The following KHDRBS2 variants were observed in gnomAD, a reference collection of about 807,000 sequenced individuals.
KHDRBS2 encodes KH RNA binding domain containing, signal transduction associated 2.
Under a neutral mutation model 44.3 loss-of-function variants are expected in KHDRBS2, and 26 were observed. The ratio of observed to expected loss-of-function variants is 0.59; its 90% confidence interval spans 0.43 to 0.81. KHDRBS2 has a LOEUF of 0.81. KHDRBS2 is among the 40% of genes least tolerant of loss of function. The probability of loss-of-function intolerance (pLI) is 0.00; values close to 1 mark genes in which losing one functional copy is unlikely to be tolerated. For missense variants in KHDRBS2, 476 were observed against 433.1 expected (o/e 1.10, Z -0.88); for synonymous variants, 194 against 151.1 (o/e 1.28, Z -2.08).
At chr6:61,638,286 A>C in the KHDRBS2 span, among the ~76,000 whole-genome samples, 1 of 152,072 alleles carries the variant, frequency 6.6e-6, no homozygotes, top group Non-Finnish European at 1.5e-5. Flanking sequence ...CCAAAACAGC[A>C]TGGTACTGGT....
chr6:62,071,402 T>A (rs563294301), intron 2 of KHDRBS2, among the ~76,000 whole-genome samples: 1 of 152,332 alleles, frequency 6.6e-6, no homozygotes, highest in East Asian at 1.9e-4. Flanking sequence ...GTCTTAGACA[T>A]GAAATCCTTG....
At chr6:61,998,271 C>T (rs1210844125) in intron 3 of KHDRBS2, among the ~76,000 whole-genome samples, 2 of 152,050 alleles carry the variant, frequency 1.3e-5, no homozygotes, top group African/African-American at 4.8e-5. Context: ...TGAATTAATT[C>T]ACTGAACAAC....
intron 1 of KHDRBS2, among the ~76,000 whole-genome samples, chr6:62,189,220 A>C (rs1479840641): frequency 6.6e-6 from 1 of 152,120 alleles, no homozygotes; most frequent in Non-Finnish European, 1.5e-5. Context: ...CCCTATGTAG[A>C]GGTCCATGTT....
chr6:62,260,572 T>C (rs2679573), intron 1 of KHDRBS2, among the ~76,000 whole-genome samples: 35,329 of 151,890 alleles, frequency 0.23, 5,709 homozygotes, highest in African/African-American at 0.46. Context: ...CTGATCTCTA[T>C]AATGAACTGG....
At chr6:61,650,279 G>A in the KHDRBS2 span, among the ~76,000 whole-genome samples, 1 of 151,648 alleles carries the variant, frequency 6.6e-6, no homozygotes, top group Admixed American at 6.6e-5. Flanking sequence ...ATTTATTTCT[G>A]GCATAACAAT....
At chr6:61,871,918 G>A (rs1171162167) in intron 6 of KHDRBS2, among the ~76,000 whole-genome samples, 1 of 132,530 alleles carries the variant, frequency 7.5e-6, no homozygotes, top group Non-Finnish European at 1.6e-5. Flanking sequence ...ACAGGGATGG[G>A]AACATCACAC....
At position 62,209,599 on chromosome 6, in the gene KHDRBS2, T is replaced by C. The variant is rs1828666350; in HGVS notation, c.92-32287A>G. 2.0e-5 allele frequency among the ~76,000 whole-genome samples: 3 copies of C among 152,330 alleles called. No homozygotes were observed. The South Asian group carries it at 6.2e-4, about 32-fold the overall frequency. On this transcript the variant is annotated intron_variant, in intron 1 of 8. Coordinates refer to ENST00000281156, the MANE Select transcript of KHDRBS2 (RefSeq NM_152688.4). ...TTGCCAACTTGATTATATTGAAGGC[T>C]GCAAAGTATCGTTCCTGGGTGTGTT...
At chr6:62,145,918 A>G (rs1284376262) in intron 2 of KHDRBS2, among the ~76,000 whole-genome samples, 1 of 151,904 alleles carries the variant, frequency 6.6e-6, no homozygotes, top group African/African-American at 2.4e-5. Context: ...TGAAACATAA[A>G]TGAATTTTGT....
At chr6:62,191,906 C>A (rs756169040) in intron 1 of KHDRBS2, among the ~76,000 whole-genome samples, 2 of 151,888 alleles carry the variant, frequency 1.3e-5, no homozygotes, top group Non-Finnish European at 2.9e-5. Context: ...AGAGGTGACA[C>A]AAATTTAAAA....
At chr6:61,867,283 C>T (rs1224522632) in intron 6 of KHDRBS2, among the ~76,000 whole-genome samples, 7 of 152,190 alleles carry the variant, frequency 4.6e-5, no homozygotes, top group African/African-American at 1.4e-4. Context: ...AGAGCTTGTG[C>T]AGGTGAACTA....
chr6:61,734,381 A>G (rs1774984824), intron 6 of KHDRBS2, among the ~76,000 whole-genome samples: 1 of 152,060 alleles, frequency 6.6e-6, no homozygotes, highest in Admixed American at 6.6e-5. Flanking sequence ...ATGTCCCCAA[A>G]ATAGTAGTTC....
At chr6:61,722,288 C>T (rs1360402504) in intron 7 of KHDRBS2, among the ~76,000 whole-genome samples, 1 of 152,150 alleles carries the variant, frequency 6.6e-6, no homozygotes, top group Non-Finnish European at 1.5e-5. Context: ...ATGATGCTGG[C>T]TGGTGAAACA....
Position 61,680,796 on chromosome 6 carries a change from C to G in KHDRBS2, c.*167G>C. The G allele has an allele frequency of 2.0e-6, 1 of 505,416 alleles. No homozygotes were observed. The highest frequency in any genetic ancestry group is 3.6e-6 in the Non-Finnish European group (1 of 281,018). 31.3% of individuals were successfully genotyped at this position (505,416 alleles called of 1,614,324 possible). On this transcript the variant is annotated 3_prime_UTR_variant, in exon 9 of 9. Coordinates refer to ENST00000281156, the MANE Select transcript of KHDRBS2 (RefSeq NM_152688.4). ...AATACTAGTGTCAATGTCACGCCAA[C>G]AGTACAGAGGGAAATACTAGAAATA...
intron 6 of KHDRBS2, among the ~76,000 whole-genome samples, chr6:61,852,225 A>G (rs1276549897): frequency 6.6e-6 from 1 of 151,980 alleles, no homozygotes; most frequent in African/African-American, 2.4e-5. Context: ...CCGTCCAAAA[A>G]TAAATAAATA....
the KHDRBS2 span, among the ~76,000 whole-genome samples, chr6:61,673,068 T>C: frequency 2.6e-5 from 4 of 151,826 alleles, no homozygotes; most frequent in Non-Finnish European, 4.4e-5. Context: ...TACATATGGC[T>C]AGCCAGTTTT....
At chr6:61,770,903 A>T (rs1780773183) in intron 6 of KHDRBS2, among the ~76,000 whole-genome samples, 1 of 152,206 alleles carries the variant, frequency 6.6e-6, no homozygotes, top group Admixed American at 6.5e-5. Flanking sequence ...CGAAAGTTGA[A>T]ATGAAGGAAA....
chr6:61,944,595 GGGT>G (rs1812815610), intron 4 of KHDRBS2, among the ~76,000 whole-genome samples: 2 of 152,234 alleles, frequency 1.3e-5, no homozygotes. Context: ...TAGCAGATCA[GGGT>G]GAGTAGCAGT....
At chr6:61,578,271 GTGTT>G in the KHDRBS2 span, among the ~76,000 whole-genome samples, 1 of 152,102 alleles carries the variant, frequency 6.6e-6, no homozygotes, top group African/African-American at 2.4e-5. Context: ...ATTTTGTCAG[GTGTT>G]TGTGGTATTA....
intron 4 of KHDRBS2, among the ~76,000 whole-genome samples, chr6:61,954,451 A>G (rs1436424889): frequency 6.8e-6 from 1 of 146,954 alleles, no homozygotes; most frequent in African/African-American, 2.5e-5. Flanking sequence ...ATATATACGT[A>G]TGTATGTATG....
Sources: gnomAD v4.1 joint callset for allele counts (sites outside exome capture counted in the v4.1 genomes callset) on GRCh38, gnomAD v4.1.1 for gene constraint, MANE v1.5 for transcripts, NCBI Gene and HGNC (gene_info 2026-07-23, HGNC 2026-07-21) for gene names.